SPOCK2: variants seen among roughly 807,000 people sequenced by gnomAD.
SPOCK2 encodes the protein SPARC (osteonectin), cwcv and kazal like domains proteoglycan 2.
A neutral mutation model predicts 60.1 loss-of-function variants in SPOCK2; 39 were observed. That is an observed-to-expected ratio of 0.65 (90% CI 0.50 to 0.85). SPOCK2 has a LOEUF of 0.85. Ranked by LOEUF, SPOCK2 falls within the 40% of genes least tolerant of loss-of-function variation. The pLI is 0.00. For synonymous variants in SPOCK2, 217 were observed against 231.5 expected (o/e 0.94, Z 0.57); for missense variants, 523 against 567.4 (o/e 0.92, Z 0.80).
At chr10:72,077,982 T>C (rs943526839) in intron 1 of SPOCK2, among the ~76,000 whole-genome samples, 36 of 152,316 alleles carry the variant, frequency 2.4e-4, no homozygotes, top group Admixed American at 1.6e-3. Flanking sequence ...CAAAACACAA[T>C]TCTGACCCGG....
Position 72,087,998 on chromosome 10 carries a change from T to C in SPOCK2, c.189+142A>G, listed in dbSNP as rs1464296795. 2.9e-5 allele frequency: 32 copies of C among 1,086,836 alleles called. No homozygotes were observed. The highest frequency in any genetic ancestry group is 5.3e-6 in the Non-Finnish European group (4 of 755,272). The allele number at this position is 1,086,836 out of a possible 1,614,324, so 67.3% of individuals were successfully genotyped here. ...AGGGGCGCTGGGCTGTGACCCCCAG[T>C]ACTGTTTACTTTCCGTGTAATTAGC... is the stretch of plus-strand genomic sequence containing the variant. On this transcript the variant is annotated intron_variant, in intron 1 of 10. Coordinates refer to ENST00000373109, the MANE Select transcript of SPOCK2 (RefSeq NM_001244950.2). The surrounding 1 kb of genome is among the most constrained non-coding windows in gnomAD (Gnocchi z 4.7).
rs954114373 is a variant in SPOCK2, at chr10:72,087,888, C to T, written c.189+252G>A. ...GCAGGGGAGACCCCGGAGCGCGCGA[C>T]CCCGGAGCGTCGGGCAGGTGTGGAG... On this transcript the variant is annotated intron_variant, in intron 1 of 10. Transcript: ENST00000373109. This position sits in a 1 kb window ranked among gnomAD's most constrained non-coding sequence, Gnocchi z 4.7. Among the ~76,000 whole-genome samples the T allele has an allele frequency of 1.3e-5, 2 of 152,102 alleles. No homozygotes were observed. The highest frequency in any genetic ancestry group is 4.8e-5 in the African/African-American group (2 of 41,450).
At position 72,086,898 on chromosome 10, in the gene SPOCK2, T is replaced by C. The variant is rs1045810397; in HGVS notation, c.189+1242A>G. ...ATGAAGCATGTGTGTTTTAAACAAA[T>C]TTCCAAGGAACTTGTGGATGCACGC... On this transcript the variant is annotated intron_variant, in intron 1 of 10. Transcript: ENST00000373109. 3.2e-6 allele frequency: 5 copies of C among 1,551,396 alleles called. No individual in the cohort carries two copies. In the Admixed American group the frequency reaches 5.9e-5, roughly 18 times the overall value.
intron 4 of SPOCK2, among the ~76,000 whole-genome samples, chr10:72,071,035 C>T (rs1482672441): frequency 6.6e-6 from 1 of 152,152 alleles, no homozygotes; most frequent in African/African-American, 2.4e-5. Context: ...ACATTACCGG[C>T]CATGCCCCTG....
In SPOCK2 at chr10:72,070,405, T is replaced by C; in HGVS notation, c.381A>G (p.Lys127=). Residue 127 remains lysine, a synonymous_variant, in exon 5 of 11, where the codon AAA becomes AAG. Transcript: ENST00000373109. ...AGATGGAGTCTTTGTTTCCATGGAG[T>C]TTCACGGTCGGCTGCTTGATCCTAC... ...LEHRIKQPTV[K]LHGNKDSICK... 6.2e-7 allele frequency: 1 copy of C among 1,613,806 alleles called. No individual in the cohort carries two copies. Among genetic ancestry groups the C allele is most frequent in the Non-Finnish European group, 8.5e-7 (1 of 1,179,942 alleles).
intron 1 of SPOCK2, among the ~76,000 whole-genome samples, chr10:72,075,652 A>G (rs1312744427): frequency 6.6e-6 from 1 of 152,162 alleles, no homozygotes; most frequent in Non-Finnish European, 1.5e-5. Flanking sequence ...CTGCTCCACC[A>G]TCCCCCACTC....
At chr10:72,064,625 G>C (rs61852257) in intron 8 of SPOCK2, among the ~76,000 whole-genome samples, 13,089 of 152,280 alleles carry the variant, frequency 0.086, 739 homozygotes, top group Non-Finnish European at 0.13. Flanking sequence ...ACAGCCACGC[G>C]CTACACAACA....
chr10:72,072,856 G>A (rs540246463), intron 2 of SPOCK2, 46 bp downstream of exon 2: 3 of 1,552,054 alleles, frequency 1.9e-6, no homozygotes, highest in South Asian at 2.4e-5. Flanking sequence ...GGGAGGGGGT[G>A]TGCTCTGCAG....
In SPOCK2 at chr10:72,064,230, G is replaced by T; in HGVS notation, c.939C>A (p.Cys313Ter). ...TCTGGATGCGCTCCAGCTCTGCCAG[G>T]CAGGGGGGCTCTGTGGGGAGAGAAG... ...CFCFWREKPP[C>*]LAELERIQIQ... Residue 313 changes from cysteine (C) to a stop codon, truncating the protein, a stop_gained, in exon 9 of 11, where the codon TGC (cysteine) becomes TGA (stop). Transcript: ENST00000373109. LOFTEE classifies it high-confidence loss of function. 1 of 1,602,688 alleles carries T rather than the reference G, an allele frequency of 6.2e-7. No individual in the cohort carries two copies.
chr10:72,079,180 G>A (rs1198128946), intron 1 of SPOCK2, among the ~76,000 whole-genome samples: 1 of 152,204 alleles, frequency 6.6e-6, no homozygotes, highest in Non-Finnish European at 1.5e-5. Flanking sequence ...GGAGAAGAGT[G>A]CTGCACCCAG....
intron 6 of SPOCK2, 23 bp from the exon 7 acceptor site, chr10:72,067,755 G>A (rs1245281211): frequency 6.2e-7 from 1 of 1,609,882 alleles, no homozygotes. Flanking sequence ...GAGAAGGCAT[G>A]GAGGGCGAAT....
rs1840505213 is a variant in SPOCK2 at position 72,062,552 on chromosome 10, CAT to C, written c.*206_*207del. The C allele has an allele frequency of 6.7e-6, 6 of 898,566 alleles. No homozygotes were observed. The Admixed American group carries it at 1.1e-4, about 16-fold the overall frequency. The allele number at this position is 898,566 out of a possible 1,614,324, so 55.7% of individuals were successfully genotyped here. The stretch of plus-strand genomic sequence containing the variant: ...TCAGCGCATGCCACACACACACACA[CAT>C]ACACACATGCATGCACACATGCACT... On this transcript the variant is annotated 3_prime_UTR_variant, in exon 11 of 11. Coordinates refer to ENST00000373109, the MANE Select transcript of SPOCK2 (RefSeq NM_001244950.2). The surrounding 1 kb of genome is among the most constrained non-coding windows in gnomAD (Gnocchi z 4.3).
At chr10:72,076,122 T>C (rs2131818729) in intron 1 of SPOCK2, among the ~76,000 whole-genome samples, 1 of 151,928 alleles carries the variant, frequency 6.6e-6, no homozygotes. Context: ...GAGGCCACCA[T>C]GGGGACAGCA....
chr10:72,067,650 C>G lies in SPOCK2; in HGVS notation c.672G>C (p.Gln224His). The change falls in exon 7 of 11, where the codon CAG becomes CAC. Residue 224 changes from glutamine to histidine, a missense_variant. Coordinates refer to ENST00000373109, the MANE Select transcript of SPOCK2 (RefSeq NM_001244950.2). ...WFQLLHENSK[Q>H]NGSASSVAGP... ...CGGCTACACTGCTGGCTGAGCCATT[C>G]TGCTTGGAGTTCTCATGAAGGAGCT... 4.3e-6 allele frequency: 7 copies of G among 1,613,764 alleles called. No individual in the cohort carries two copies. Among genetic ancestry groups the G allele is most frequent in the Non-Finnish European group, 5.9e-6 (7 of 1,180,026 alleles).
intron 1 of SPOCK2, among the ~76,000 whole-genome samples, chr10:72,075,729 C>T (rs898960424): frequency 1.8e-4 from 28 of 152,150 alleles, no homozygotes; most frequent in African/African-American, 6.3e-4. Flanking sequence ...GTTCCAGCCT[C>T]GACTTTTTGC....
At chr10:72,072,952 A>T in intron 1 of SPOCK2, 42 bp from the exon 2 acceptor site, 1 of 1,552,584 alleles carries the variant, frequency 6.4e-7, no homozygotes, top group Non-Finnish European at 8.7e-7. Context: ...AAAACGGAGC[A>T]GGAAGAGAAA....
At position 72,061,338 on chromosome 10, in the gene SPOCK2, T is replaced by C. The variant is rs1474349577; in HGVS notation, c.*1422A>G. 6.6e-6 allele frequency: 1 copy of C among 152,326 alleles called. No individual in the cohort carries two copies. Among genetic ancestry groups the C allele is most frequent in the Non-Finnish European group, 1.5e-5 (1 of 68,154 alleles). 9.4% of individuals were successfully genotyped at this position (152,326 alleles called of 1,614,324 possible). On this transcript the variant is annotated 3_prime_UTR_variant, in exon 11 of 11. Coordinates refer to ENST00000373109, the MANE Select transcript of SPOCK2 (RefSeq NM_001244950.2). The stretch of plus-strand genomic sequence containing the variant: ...CCTCTGACTTCTCACTTTTCCACAT[T>C]GCAGGCTTCAAAACAGAGCTTGGGG...
At chr10:72,068,558 T>C (rs907686376) in intron 5 of SPOCK2, among the ~76,000 whole-genome samples, 2 of 151,998 alleles carry the variant, frequency 1.3e-5, no homozygotes, top group African/African-American at 2.4e-5. Context: ...CTCTAAGGAT[T>C]TGTCCCTCCC....
chr10:72,089,024 A>T (rs576133382), upstream of SPOCK2: 1 of 152,282 alleles, frequency 6.6e-6, no homozygotes, highest in Non-Finnish European at 1.5e-5. Context: ...CAAAAGCCGT[A>T]TAACAACTGG....
Sources: gnomAD v4.1 joint callset for allele counts (sites outside exome capture counted in the v4.1 genomes callset) on GRCh38, gnomAD v4.1.1 for gene constraint, Gnocchi (gnomAD v3.1) non-coding constraint, MANE v1.5 for transcripts, NCBI Gene and HGNC (gene_info 2026-07-23, HGNC 2026-07-21) for gene names.